SNTB1: variants seen among roughly 807,000 people sequenced by gnomAD.
SNTB1 encodes the protein syntrophin beta 1.
Under a neutral mutation model 48.9 loss-of-function variants are expected in SNTB1, and 36 were observed. The ratio of observed to expected loss-of-function variants is 0.74; its 90% confidence interval spans 0.56 to 0.97. SNTB1 has a LOEUF of 0.97. Ranked by LOEUF, SNTB1 falls within the 50% of genes least tolerant of loss-of-function variation. The pLI is 0.00. For synonymous variants in SNTB1, 299 were observed against 294.6 expected (o/e 1.01, Z -0.15); for missense variants, 786 against 703.4 (o/e 1.12, Z -1.33).
At chr8:120,645,239 A>G (rs1271812510) in intron 2 of SNTB1, among the ~76,000 whole-genome samples, 1 of 152,150 alleles carries the variant, frequency 6.6e-6, no homozygotes, top group Non-Finnish European at 1.5e-5. Context: ...ATCCTTGCCC[A>G]TGCCTATGTC....
Position 120,811,339 on chromosome 8 carries a change from G to T in SNTB1, c.505C>A (p.Arg169=). The change falls in exon 1 of 7, where the codon CGG becomes AGG. Residue 169 remains arginine (R), a synonymous_variant. Transcript: ENST00000517992. The part of the protein sequence containing the change: ...AILSVNGADL[R]DATHDEAVQA... ...ACCGCCTCGTCGTGGGTGGCGTCCC[G>T]CAGGTCGGCTCCGTTCACGGACAGG... The T allele has an allele frequency of 1.9e-6, 3 of 1,612,442 alleles. No homozygotes were observed. The highest frequency in any genetic ancestry group is 2.5e-6 in the Non-Finnish European group (3 of 1,179,774).
intron 1 of SNTB1, among the ~76,000 whole-genome samples, chr8:120,779,162 G>A (rs902957202): frequency 4.6e-5 from 7 of 152,146 alleles, no homozygotes; most frequent in African/African-American, 1.7e-4. Flanking sequence ...TTTTGAGCAG[G>A]CAAATGACAT....
chr8:120,737,147 T>A (rs1587125164), intron 1 of SNTB1, among the ~76,000 whole-genome samples: 1 of 152,216 alleles, frequency 6.6e-6, no homozygotes, highest in East Asian at 1.9e-4. Flanking sequence ...ATATGGGTAT[T>A]AAAAATAAGA....
At chr8:120,540,996 C>T (rs569893288) in intron 6 of SNTB1, among the ~76,000 whole-genome samples, 1 of 152,254 alleles carries the variant, frequency 6.6e-6, no homozygotes, top group East Asian at 1.9e-4. Context: ...AGAGATTAGT[C>T]ATTACGAAAT....
At chr8:120,664,107 G>T (rs141940084) in intron 2 of SNTB1, among the ~76,000 whole-genome samples, 3 of 152,154 alleles carry the variant, frequency 2.0e-5, no homozygotes, top group African/African-American at 7.2e-5. Flanking sequence ...GGCAGAACAG[G>T]TGTGCCATTC....
intron 3 of SNTB1, among the ~76,000 whole-genome samples, chr8:120,583,265 AG>A (rs1816077441): frequency 6.6e-6 from 1 of 152,056 alleles, no homozygotes; most frequent in East Asian, 1.9e-4. Flanking sequence ...TTTTGTGGGG[AG>A]GCCAAGGTCG....
intron 2 of SNTB1, among the ~76,000 whole-genome samples, chr8:120,666,924 A>G (rs2129769703): frequency 6.6e-6 from 1 of 151,754 alleles, no homozygotes; most frequent in East Asian, 1.9e-4. Flanking sequence ...TCATGTTTTT[A>G]CTTAACTTTT....
Position 120,548,920 on chromosome 8 carries a change from G to T in SNTB1, c.1175C>A (p.Ala392Asp). 1 of 1,604,352 alleles carries T rather than the reference G, an allele frequency of 6.2e-7. No individual in the cohort carries two copies. ...HSGPGKGSPQ[A>D]GVDLSFATRT... Reference sequence around the variant, plus strand: ...CGTTGCAAAGGACAGATCCACACCAGCCTGGGGTGATCCCTTTCCTGGACC... The same window carrying T: ...CGTTGCAAAGGACAGATCCACACCATCCTGGGGTGATCCCTTTCCTGGACC... The change falls in exon 5 of 7, where the codon GCT (alanine) becomes GAT (aspartate). Residue 392 changes from alanine (A) to aspartate (D), a missense_variant. Coordinates refer to ENST00000517992, the MANE Select transcript of SNTB1 (RefSeq NM_021021.4).
At chr8:120,576,754 T>C (rs1396836358) in intron 3 of SNTB1, among the ~76,000 whole-genome samples, 1 of 152,230 alleles carries the variant, frequency 6.6e-6, no homozygotes, top group Non-Finnish European at 1.5e-5. Context: ...TCTCAGTTTC[T>C]GGATCTGTAA....
chr8:120,724,343 C>A (rs1818718367), intron 1 of SNTB1, among the ~76,000 whole-genome samples: 1 of 152,242 alleles, frequency 6.6e-6, no homozygotes, highest in Non-Finnish European at 1.5e-5. Flanking sequence ...CAAGAGAACA[C>A]AGAGCCCTTC....
In SNTB1 at chr8:120,693,887, G is replaced by T. The variant is rs1239910440; in HGVS notation, c.593C>A (p.Thr198Lys). 1 of 1,613,848 alleles carries T rather than the reference G, an allele frequency of 6.2e-7. No homozygotes were observed. The highest frequency in any genetic ancestry group is 1.3e-5 in the African/African-American group (1 of 74,912). Residue 198 changes from threonine to lysine, a missense_variant, in exon 2 of 7, where the codon ACG becomes AAG. Thr to Lys is a moderately conservative substitution (Grantham distance 78). Transcript: ENST00000517992. Reference protein sequence around the residue: ...LLEVKYMREATPYVKKGSPVS... With the variant: ...LLEVKYMREAKPYVKKGSPVS... ...TGGGGATCCTTTCTTCACATAGGGC[G>T]TGGCTTCTCGCATGTACTTCACTGC...
intron 1 of SNTB1, among the ~76,000 whole-genome samples, chr8:120,752,012 G>A (rs144419775): frequency 2.6e-5 from 4 of 152,264 alleles, no homozygotes; most frequent in South Asian, 2.1e-4. Flanking sequence ...GTTAGTGATC[G>A]TCTTATTTTT....
In SNTB1 at chr8:120,541,927, T is replaced by C. The variant is rs1330503193; in HGVS notation, c.1407A>G (p.Pro469=). The C allele has an allele frequency of 1.9e-6, 3 of 1,614,020 alleles. No homozygotes were observed. The Admixed American group carries it at 5.0e-5, about 27-fold the overall frequency. Residue 469 remains proline (P), a synonymous_variant, in exon 6 of 7, where the codon CCA becomes CCG. Coordinates refer to ENST00000517992, the MANE Select transcript of SNTB1 (RefSeq NM_021021.4). ...YENGFSITTE[P]QEGAFPKTII... ...TGGTCTTGGGAAAGGCACCCTCCTGTGGTTCAGTGGTAATAGAAAATCCAT... is the reference window on the plus strand; with the variant it reads ...TGGTCTTGGGAAAGGCACCCTCCTGCGGTTCAGTGGTAATAGAAAATCCAT...
At chr8:120,748,921 C>T (rs764066569) in intron 1 of SNTB1, among the ~76,000 whole-genome samples, 20 of 152,162 alleles carry the variant, frequency 1.3e-4, no homozygotes, top group Non-Finnish European at 1.9e-4. Context: ...TTCTCTTCTA[C>T]AAATTATAGG....
chr8:120,682,732 T>C (rs1817953820), intron 2 of SNTB1, among the ~76,000 whole-genome samples: 1 of 151,988 alleles, frequency 6.6e-6, no homozygotes, highest in African/African-American at 2.4e-5. Context: ...AGACGATAGA[T>C]AGATAGATAG....
chr8:120,564,121 A>G (rs1389556502), intron 4 of SNTB1, among the ~76,000 whole-genome samples: 1 of 151,990 alleles, frequency 6.6e-6, no homozygotes, highest in Non-Finnish European at 1.5e-5. Context: ...ACAAAAAAAA[A>G]AAAAAAGAAT....
At chr8:120,710,707 G>T (rs1344126337) in intron 1 of SNTB1, among the ~76,000 whole-genome samples, 1 of 152,162 alleles carries the variant, frequency 6.6e-6, no homozygotes, top group Non-Finnish European at 1.5e-5. Context: ...GGAGGACAAA[G>T]CAAGGTGCTC....
At chr8:120,616,199 C>A (rs1282186681) in intron 3 of SNTB1, among the ~76,000 whole-genome samples, 1 of 152,042 alleles carries the variant, frequency 6.6e-6, no homozygotes, top group African/African-American at 2.4e-5. Flanking sequence ...CATCAACTTT[C>A]CTTTTCTTTA....
intron 1 of SNTB1, among the ~76,000 whole-genome samples, chr8:120,737,930 A>T (rs77603257): frequency 0.03 from 4,539 of 152,278 alleles, 214 homozygotes; most frequent in African/African-American, 0.1. Context: ...TTTATAGCAC[A>T]GTAGGCCAGT....
Sources: allele counts gnomAD v4.1 joint callset (sites outside exome capture counted in the v4.1 genomes callset), GRCh38; gene constraint gnomAD v4.1.1; transcripts MANE v1.5; gene names NCBI Gene and HGNC (gene_info 2026-07-23, HGNC 2026-07-21).